PCDHA4: variants seen among roughly 807,000 people sequenced by gnomAD.
PCDHA4 encodes the protein protocadherin alpha 4, also known as protocadherin alpha-4.
PCDHA4 carries 49 observed loss-of-function variants against 61.4 expected under a neutral mutation model. That is an observed-to-expected ratio of 0.80 (90% confidence interval 0.63 to 1.01). The LOEUF (loss-of-function observed/expected upper bound fraction) is 1.01. PCDHA4 is among the 50% of genes least tolerant of loss of function. The pLI is 0.00. For missense variants in PCDHA4, 1,254 were observed against 1,235.8 expected, an observed-to-expected ratio of 1.01 and a Z score of -0.22; for synonymous variants, 590 against 550.3, an observed-to-expected ratio of 1.07 and a Z score of -1.01.
rs2150163001 is a variant in PCDHA4 at position 140,829,146 on chromosome 5, T to G, written c.2385+19574T>G. The G allele has an allele frequency of 1.9e-6, 3 of 1,613,730 alleles. No individual in the cohort carries two copies. Among genetic ancestry groups the G allele is most frequent in the Non-Finnish European group, 1.7e-6 (2 of 1,179,704 alleles). ...AATGATAACGTCCCTGAGATAGCAC[T>G]GACTTCCTTATCCTTGCCTGTACGT... On this transcript the variant is annotated intron_variant, in intron 1 of 3. Coordinates refer to ENST00000530339, the MANE Select transcript of PCDHA4 (RefSeq NM_018907.4).
intron 1 of PCDHA4, among the ~76,000 whole-genome samples, chr5:140,972,662 T>A (rs1188844189): frequency 1.5e-4 from 8 of 54,766 alleles, no homozygotes; most frequent in African/African-American, 8.1e-4. Context: ...GAAACCAAAT[T>A]TTTTTTTTTT....
intron 1 of PCDHA4, among the ~76,000 whole-genome samples, chr5:140,961,327 AGAGACCAAGAGTG>A (rs1375426442): frequency 6.6e-6 from 1 of 152,206 alleles, no homozygotes. Context: ...CTGTTTCTTG[AGAGACCAAGAGTG>A]GATCCCTGTA....
At chr5:140,840,154 A>G (rs1212681369) in intron 1 of PCDHA4, among the ~76,000 whole-genome samples, 1 of 152,048 alleles carries the variant, frequency 6.6e-6, no homozygotes, top group Admixed American at 6.6e-5. Flanking sequence ...ACGTGAAAGG[A>G]GAGATGGGAT....
At chr5:140,826,144 C>A (rs1554130462) in intron 1 of PCDHA4, among the ~76,000 whole-genome samples, 1 of 152,076 alleles carries the variant, frequency 6.6e-6, no homozygotes, top group East Asian at 1.9e-4. Flanking sequence ...TTGAGGAAGT[C>A]CTAGAAATTG....
At chr5:140,814,900 A>G (rs1231594923) in intron 1 of PCDHA4, 1 of 152,154 alleles carries the variant, frequency 6.6e-6, no homozygotes, top group Non-Finnish European at 1.5e-5. Context: ...TATAATTGCT[A>G]TGTCCTTCTG....
chr5:140,807,845 C>T lies in PCDHA4; in HGVS notation c.658C>T (p.Pro220Ser), dbSNP rs782647653. The change falls in exon 1 of 4, where the codon CCC becomes TCC. Residue 220 changes from proline to serine, a missense_variant. Physicochemically the swap from Pro to Ser is moderately conservative, Grantham distance 74. Transcript: ENST00000530339. The part of the protein sequence containing the change: ...LVLTATDGGK[P>S]ELTGTVQLLI... ...GCTCACAGCCACTGATGGAGGCAAACCCGAGTTGACTGGCACCGTTCAGTT... is the reference window on the plus strand; with the variant it reads ...GCTCACAGCCACTGATGGAGGCAAATCCGAGTTGACTGGCACCGTTCAGTT... 1.5e-5 allele frequency: 24 copies of T among 1,613,992 alleles called. No individual in the cohort carries two copies. The highest frequency in any genetic ancestry group is 1.9e-5 in the Non-Finnish European group (22 of 1,180,030).
At chr5:140,937,150 G>C (rs2153631833) in intron 1 of PCDHA4, among the ~76,000 whole-genome samples, 1 of 149,812 alleles carries the variant, frequency 6.7e-6, no homozygotes, top group East Asian at 2.0e-4. Context: ...CCATTCTCCT[G>C]CCTCAGCCTC....
At chr5:140,978,462 G>T (rs939639463) in intron 1 of PCDHA4, among the ~76,000 whole-genome samples, 3 of 152,222 alleles carry the variant, frequency 2.0e-5, no homozygotes, top group Admixed American at 1.3e-4. Flanking sequence ...TCCGCCCTGG[G>T]TCAAATATGC....
rs1374109552 is a variant in PCDHA4 at position 141,010,068 on chromosome 5, T to C, written c.*131T>C. On this transcript the variant is annotated 3_prime_UTR_variant, in exon 4 of 4. Transcript: ENST00000530339. ...AGAGACCTCAGAAATCTGCAGAAAGTTCCCTGTGTCTGTCTAGAACGCATT... is the reference window on the plus strand; with the variant it reads ...AGAGACCTCAGAAATCTGCAGAAAGCTCCCTGTGTCTGTCTAGAACGCATT... 4 of 1,604,732 alleles carry C rather than the reference T, an allele frequency of 2.5e-6. No homozygotes were observed. Among genetic ancestry groups the C allele is most frequent in the Non-Finnish European group, 3.4e-6 (4 of 1,175,400 alleles).
In PCDHA4 at chr5:141,011,771, G is replaced by A. The variant is rs1327507093; in HGVS notation, c.*1834G>A. On this transcript the variant is annotated 3_prime_UTR_variant, in exon 4 of 4. Transcript: ENST00000530339. ...TCTGACCTCTTTGAAGTTGCAGAATGCTTTGAAATTCTAATGGTATCTGAA... is the reference window on the plus strand; with the variant it reads ...TCTGACCTCTTTGAAGTTGCAGAATACTTTGAAATTCTAATGGTATCTGAA... The A allele has an allele frequency of 1.3e-5, 2 of 153,698 alleles. No individual in the cohort carries two copies. The highest frequency in any genetic ancestry group is 4.8e-5 in the African/African-American group (2 of 41,424). The allele number at this position is 153,698 out of a possible 1,614,324, so 9.5% of individuals were successfully genotyped here.
rs782776948 is a variant in PCDHA4 at position 141,009,898 on chromosome 5, A to T, written c.2805A>T (p.Lys935Asn). The T allele has an allele frequency of 5.6e-6, 9 of 1,613,182 alleles. No individual in the cohort carries two copies. Among genetic ancestry groups the T allele is most frequent in the Admixed American group, 1.7e-5 (1 of 59,722 alleles). The change falls in exon 4 of 4, where the codon AAA (lysine) becomes AAT (asparagine). Residue 935 changes from lysine (K) to asparagine (N), a missense_variant. Physicochemically the swap from Lys to Asn is moderately conservative, Grantham distance 94 (BLOSUM62 0). Transcript: ENST00000530339. ...AGGGTAACAAGACCCAGGAGAAAAA[A>T]GAGAAAGGGAACAGCACGACTGACA... ...KKKGNKTQEK[K>N]EKGNSTTDNS...
At chr5:140,882,688 AATC>A in intron 1 of PCDHA4, 1 of 1,614,196 alleles carries the variant, frequency 6.2e-7, no homozygotes, top group South Asian at 1.1e-5. Context: ...AGAAACGAAT[AATC>A]ATTGCAGAAT....
chr5:140,975,840 A>G (rs1387222678), intron 1 of PCDHA4, among the ~76,000 whole-genome samples: 2 of 152,202 alleles, frequency 1.3e-5, no homozygotes, highest in African/African-American at 2.4e-5. Context: ...CTTATTCTTC[A>G]GTAATACTAC....
chr5:140,888,263 A>G (rs1251792046), intron 1 of PCDHA4, among the ~76,000 whole-genome samples: 1 of 152,136 alleles, frequency 6.6e-6, no homozygotes, highest in East Asian at 1.9e-4. Flanking sequence ...GTTCTTGATA[A>G]GAAACAGTTT....
chr5:140,904,195 C>T (rs1554191353), intron 1 of PCDHA4, among the ~76,000 whole-genome samples: 1 of 151,930 alleles, frequency 6.6e-6, no homozygotes, highest in Admixed American at 6.6e-5. Context: ...CCCACCCTTT[C>T]CCCCTAAGTC....
intron 3 of PCDHA4, among the ~76,000 whole-genome samples, chr5:141,004,893 C>A (rs1339074840): frequency 1.3e-5 from 2 of 152,154 alleles, no homozygotes; most frequent in African/African-American, 4.8e-5. Flanking sequence ...ATTGTGTCAG[C>A]TCTGCCAGGG....
intron 1 of PCDHA4, among the ~76,000 whole-genome samples, chr5:140,942,981 G>A (rs1242135518): frequency 6.6e-6 from 1 of 152,048 alleles, no homozygotes; most frequent in Non-Finnish European, 1.5e-5. Context: ...TTGGGGCTGG[G>A]TGTGGTGGCT....
chr5:141,010,432 C>CA lies in PCDHA4; in HGVS notation c.*498dup. ...AATTGGTACAAGGAAGGCAAGAAAA[C>CA]AAAGACAAATAAACAGCGGAAGTTA... On this transcript the variant is annotated 3_prime_UTR_variant, in exon 4 of 4. Transcript: ENST00000530339. 2.8e-6 allele frequency: 3 copies of CA among 1,056,970 alleles called. No homozygotes were observed. The highest frequency in any genetic ancestry group is 4.0e-6 in the Non-Finnish European group (3 of 756,282). The allele number at this position is 1,056,970 out of a possible 1,614,324, so 65.5% of individuals were successfully genotyped here.
Position 140,914,249 on chromosome 5 carries a change from G to T in PCDHA4, c.2386-64700G>T, listed in dbSNP as rs186578589. 2.8e-3 allele frequency among the ~76,000 whole-genome samples: 422 copies of T among 152,092 alleles called. 2 individuals carry two copies. Among genetic ancestry groups the T allele is most frequent in the Middle Eastern group, 0.014 (4 of 294 alleles). ...AATACTATTTGCTTTTTATATCTGG[G>T]TGCTTCAATGGTGGGTGCATATATA... is the stretch of plus-strand genomic sequence containing the variant. On this transcript the variant is annotated intron_variant, in intron 1 of 3. Coordinates refer to ENST00000530339, the MANE Select transcript of PCDHA4 (RefSeq NM_018907.4).
Sources: allele counts gnomAD v4.1 joint callset (sites outside exome capture counted in the v4.1 genomes callset), GRCh38; gene constraint gnomAD v4.1.1; transcripts MANE v1.5; gene names NCBI Gene and HGNC (gene_info 2026-07-23, HGNC 2026-07-21).